The following AKT1S1 variants were observed in gnomAD, a reference collection of about 807,000 sequenced individuals.
AKT1S1 encodes proline-rich AKT1 substrate 1.
Under a neutral mutation model 21.2 loss-of-function variants are expected in AKT1S1, and 17 were observed. The observed-to-expected ratio is 0.80, with a 90% CI of 0.55 to 1.20. AKT1S1 has a LOEUF of 1.20. AKT1S1 is among the 50% of genes most tolerant of loss of function. The pLI, the probability that AKT1S1 is intolerant of heterozygous loss-of-function variation, is 0.00. For missense variants in AKT1S1, 366 were observed against 368.3 expected (o/e 0.99, Z 0.05); for synonymous variants, 181 against 165.6 (o/e 1.09, Z -0.72).
chr19:49,877,661 G>A, upstream of AKT1S1: 1 of 1,571,008 alleles, frequency 6.4e-7, no homozygotes, highest in Non-Finnish European at 8.7e-7. Context: ...GTTTTCTCCG[G>A]AAGTGACAAC....
chr19:49,877,491 C>A, upstream of AKT1S1: 1 of 527,068 alleles, frequency 1.9e-6, no homozygotes. Flanking sequence ...ACTGCGCCTG[C>A]GCACTCTCCG....
intron 4 of AKT1S1, among the ~76,000 whole-genome samples, chr19:49,870,687 C>T (rs2074874059): frequency 2.0e-5 from 3 of 152,146 alleles, no homozygotes; most frequent in Admixed American, 1.3e-4. Flanking sequence ...GGATGGGACC[C>T]GGAGACCCAG....
upstream of AKT1S1, chr19:49,877,357 C>T (rs915065660): frequency 2.1e-5 from 6 of 283,496 alleles, no homozygotes; most frequent in Non-Finnish European, 3.4e-5. Context: ...CAAAATGGTA[C>T]CTCCTTGGCT....
rs1258080965 is a variant in AKT1S1 at position 49,876,704 on chromosome 19, A to C, written c.-8+533T>G. 7 of 1,435,480 alleles carry C rather than the reference A, an allele frequency of 4.9e-6. No individual in the cohort carries two copies. The East Asian group carries it at 1.7e-4, about 35-fold the overall frequency. 88.9% of individuals were successfully genotyped at this position (1,435,480 alleles called of 1,614,324 possible). A position where few individuals can be genotyped will look rare whatever the true frequency, so the allele number is the denominator to read the frequency against. Reference sequence around the variant, plus strand: ...CGCAGTTGCCCCGCCTCCTCTCCGCACACTCCGCCTCCCTTATCGGGGCCG... The same window carrying C: ...CGCAGTTGCCCCGCCTCCTCTCCGCCCACTCCGCCTCCCTTATCGGGGCCG... On this transcript the variant is annotated intron_variant, in intron 1 of 4. Transcript: ENST00000344175.
At chr19:49,876,882 TA>T in intron 1 of AKT1S1, 1 of 446,426 alleles carries the variant, frequency 2.2e-6, no homozygotes, top group Non-Finnish European at 3.9e-6. Flanking sequence ...ATGACCACAG[TA>T]AACGAAGGCA....
At chr19:49,876,018 G>C (rs757473860) in intron 1 of AKT1S1, 19 of 985,496 alleles carry the variant, frequency 1.9e-5, no homozygotes, top group Non-Finnish European at 2.3e-5. Flanking sequence ...GGAGCACGAT[G>C]TGGCTGTCCT....
upstream of AKT1S1, chr19:49,877,424 C>A: frequency 2.2e-6 from 1 of 451,734 alleles, no homozygotes; most frequent in Non-Finnish European, 4.0e-6. Flanking sequence ...GTGCTTGCCC[C>A]AGGTGGTGCA....
At chr19:49,871,379 A>G (rs1328166693) in intron 4 of AKT1S1, among the ~76,000 whole-genome samples, 168 bp downstream of exon 4, 1 of 152,330 alleles carries the variant, frequency 6.6e-6, no homozygotes, top group East Asian at 1.9e-4. Context: ...TAAGGCTGCA[A>G]TTGTTAAAAC....
At chr19:49,875,885 T>C (rs1600436325) in intron 1 of AKT1S1, 1 of 985,356 alleles carries the variant, frequency 1.0e-6, no homozygotes, top group African/African-American at 1.7e-5. Flanking sequence ...CTTCAGCTTC[T>C]AGAGGAGGTC....
At chr19:49,878,186 A>G (rs759075735), upstream of AKT1S1, 4 of 1,575,474 alleles carry the variant, frequency 2.5e-6, no homozygotes, top group Non-Finnish European at 3.4e-6. Context: ...ACCAGCGCTA[A>G]GAAGTATCAG....
intron 2 of AKT1S1, 105 bp from the exon 3 acceptor site, chr19:49,871,994 C>A (rs1456744679): frequency 7.3e-5 from 86 of 1,183,564 alleles, no homozygotes; most frequent in Non-Finnish European, 3.8e-5. Flanking sequence ...ACCTCCACCT[C>A]CCTGAAGCTT....
rs1369888537 is a variant in AKT1S1 at position 49,869,875 on chromosome 19, G to C, written c.*42C>G. 2.8e-6 allele frequency: 4 copies of C among 1,435,216 alleles called. No homozygotes were observed. In the South Asian group the frequency reaches 5.6e-5, roughly 20 times the overall value. 88.9% of individuals were successfully genotyped at this position (1,435,216 alleles called of 1,614,324 possible). On this transcript the variant is annotated 3_prime_UTR_variant, in exon 5 of 5. Coordinates refer to ENST00000344175, the MANE Select transcript of AKT1S1 (RefSeq NM_001098633.4). ...CGGGAGTGGGGCGGGGGCGTAGTGT[G>C]GGACGGGGCGGACGCGGCCCGGGGC...
intron 1 of AKT1S1, chr19:49,876,630 G>A: frequency 1.3e-6 from 2 of 1,531,450 alleles, no homozygotes; most frequent in South Asian, 1.2e-5. Context: ...GGCCGGCCCG[G>A]CGCCGTCACC....
Position 49,870,823 on chromosome 19 carries a change from G to A in AKT1S1, c.627+724C>T, listed in dbSNP as rs549573400. On this transcript the variant is annotated intron_variant, in intron 4 of 4. Coordinates refer to ENST00000344175, the MANE Select transcript of AKT1S1 (RefSeq NM_001098633.4). The stretch of plus-strand genomic sequence containing the variant: ...CAGAGAGCAGCAGCAGGTGGACCCC[G>A]CCCGCACCAGGCCCTGTTCCTGGTC... Among the ~76,000 whole-genome samples, 11 of 152,326 alleles carry A rather than the reference G, an allele frequency of 7.2e-5. 1 individual carries two copies. The South Asian group carries it at 2.1e-3, about 29-fold the overall frequency.
intron 1 of AKT1S1, chr19:49,876,327 C>T (rs1340170918): frequency 1.7e-6 from 2 of 1,210,958 alleles, no homozygotes; most frequent in Non-Finnish European, 2.1e-6. Context: ...CCAAACCATC[C>T]CCCGACCCCG....
upstream of AKT1S1, chr19:49,877,473 G>A (rs1402454954): frequency 3.9e-6 from 2 of 509,416 alleles, no homozygotes; most frequent in African/African-American, 3.9e-5. Context: ...CGTGGCGAGA[G>A]GGCGAACACT....
intron 1 of AKT1S1, chr19:49,876,360 T>G: frequency 8.6e-5 from 100 of 1,157,488 alleles, no homozygotes; most frequent in East Asian, 4.7e-4. Context: ...ACGGCCCAGG[T>G]AGAGATCCCA....
intron 2 of AKT1S1, 88 bp downstream of exon 2, chr19:49,872,829 C>G: frequency 6.9e-7 from 1 of 1,442,752 alleles, no homozygotes; most frequent in Non-Finnish European, 9.3e-7. Flanking sequence ...TAGAAGTACT[C>G]TGGGCTAAGC....
chr19:49,876,623 C>G lies in AKT1S1; in HGVS notation c.-8+614G>C. On this transcript the variant is annotated intron_variant, in intron 1 of 4. Transcript: ENST00000344175. The stretch of plus-strand genomic sequence containing the variant: ...CTCACGTGCCCGTAGCCAGCATGGC[C>G]GGCCCGGCGCCGTCACCGCCCTCAA... 2.6e-6 allele frequency: 4 copies of G among 1,531,722 alleles called. 1 individual carries two copies. Among genetic ancestry groups the G allele is most frequent in the Middle Eastern group, 3.4e-4 (2 of 5,936 alleles). 94.9% of individuals were successfully genotyped at this position (1,531,722 alleles called of 1,614,324 possible).
Sources: allele counts gnomAD v4.1 joint callset (sites outside exome capture counted in the v4.1 genomes callset), GRCh38; gene constraint gnomAD v4.1.1; transcripts MANE v1.5; gene names NCBI Gene and HGNC (gene_info 2026-07-23, HGNC 2026-07-21).